Variants in LRRC37A2 observed in about 807,000 individuals in gnomAD.
LRRC37A2 encodes the protein leucine-rich repeat-containing protein 37A2.
Under a neutral mutation model 68.8 loss-of-function variants are expected in LRRC37A2, and 9 were observed. The observed-to-expected ratio is 0.13, with a 90% CI of 0.08 to 0.23. The LOEUF is 0.23. Ranked by LOEUF, LRRC37A2 falls within the 10% of genes least tolerant of loss-of-function variation. The pLI is 1.00. For missense variants in LRRC37A2, 168 were observed against 950.4 expected, an observed-to-expected ratio of 0.18 and a Z score of 10.82; for synonymous variants, 63 against 367.6, an observed-to-expected ratio of 0.17 and a Z score of 9.48.
the LRRC37A2 span, chr17:46,755,193 C>G: frequency 1.4e-6 from 1 of 711,544 alleles, no homozygotes; most frequent in East Asian, 2.7e-5. Flanking sequence ...GCAGGTAACA[C>G]ATTCAGTGAC....
At chr17:46,837,379 T>C in the LRRC37A2 span, among the ~76,000 whole-genome samples, 25,758 of 152,112 alleles carry the variant, frequency 0.17, 2,527 homozygotes, top group East Asian at 0.39. Context: ...TTAGGCAGAA[T>C]TTGGAGTATA....
chr17:46,923,256 C>T, the LRRC37A2 span: 1 of 1,550,512 alleles, frequency 6.4e-7, no homozygotes, highest in Non-Finnish European at 8.7e-7. Context: ...AGGGGCTAGA[C>T]GAGGCGAGGC....
chr17:46,785,725 G>A, the LRRC37A2 span, among the ~76,000 whole-genome samples: 4 of 152,194 alleles, frequency 2.6e-5, no homozygotes, highest in Non-Finnish European at 2.9e-5. Context: ...GAAAGGGTGC[G>A]GGCAGGAGCT....
the LRRC37A2 span, chr17:46,872,720 G>A: frequency 8.8e-4 from 1,420 of 1,613,098 alleles, 15 homozygotes; most frequent in African/African-American, 0.016. Context: ...TTTCAGTTCC[G>A]GCATGAGCGC....
chr17:46,938,840 A>G, the LRRC37A2 span: 78 of 1,605,190 alleles, frequency 4.9e-5, 1 homozygote, highest in East Asian at 6.5e-4. Flanking sequence ...GGGGGCCCAG[A>G]GGCCGCCTTT....
the LRRC37A2 span, among the ~76,000 whole-genome samples, chr17:46,703,626 G>A: frequency 1.9e-4 from 27 of 139,058 alleles, no homozygotes; most frequent in African/African-American, 6.4e-4. Context: ...AGCTTGCAGC[G>A]TCCGAGATCG....
chr17:46,980,345 T>TTCTTTCTC, the LRRC37A2 span, among the ~76,000 whole-genome samples: 1 of 23,366 alleles, frequency 4.3e-5, no homozygotes, highest in East Asian at 1.3e-3. Context: ...CCTTCTCTCC[T>TTCTTTCTC]TCCTTCCTTC....
the LRRC37A2 span, among the ~76,000 whole-genome samples, chr17:46,728,516 C>T: frequency 6.6e-6 from 1 of 151,936 alleles, no homozygotes; most frequent in African/African-American, 2.4e-5. Flanking sequence ...ATAATCCCAG[C>T]TACCTGGGAG....
At chr17:46,678,425 G>A in the LRRC37A2 span, among the ~76,000 whole-genome samples, 9 of 140,066 alleles carry the variant, frequency 6.4e-5, no homozygotes, top group African/African-American at 1.1e-4. Context: ...GAGAATTAGT[G>A]TACTGAAAGA....
At chr17:46,838,804 T>C in the LRRC37A2 span, among the ~76,000 whole-genome samples, 2 of 152,132 alleles carry the variant, frequency 1.3e-5, no homozygotes, top group Non-Finnish European at 2.9e-5. Context: ...TAATTTGGCA[T>C]AGAGGCCTGT....
chr17:46,825,006 G>T, the LRRC37A2 span, among the ~76,000 whole-genome samples: 1 of 152,212 alleles, frequency 6.6e-6, no homozygotes, highest in East Asian at 1.9e-4. Flanking sequence ...TGCCTCTCCA[G>T]CCATGTGCCA....
chr17:46,913,759 TTTTTTA>T, the LRRC37A2 span, among the ~76,000 whole-genome samples: 1 of 152,194 alleles, frequency 6.6e-6, no homozygotes, highest in East Asian at 1.9e-4. Flanking sequence ...CATTTTTTAC[TTTTTTA>T]TTTTTATTTA....
chr17:46,755,856 G>C, the LRRC37A2 span: 1 of 1,607,660 alleles, frequency 6.2e-7, no homozygotes. Context: ...AGTGACCAAG[G>C]GAAGTGACCA....
At chr17:46,993,944 T>C in the LRRC37A2 span, among the ~76,000 whole-genome samples, 1 of 146,664 alleles carries the variant, frequency 6.8e-6, no homozygotes, top group Admixed American at 6.7e-5. Context: ...CACTGCCTTC[T>C]TAGCTATGTT....
chr17:46,819,635 C>A, the LRRC37A2 span, among the ~76,000 whole-genome samples: 12 of 152,320 alleles, frequency 7.9e-5, no homozygotes, highest in East Asian at 2.3e-3. This position sits in a 1 kb window ranked among gnomAD's most constrained non-coding sequence, Gnocchi z 5.3. Context: ...CCCCTCACTG[C>A]CCGACCGTCC....
the LRRC37A2 span, among the ~76,000 whole-genome samples, chr17:46,854,037 C>T: frequency 5.9e-5 from 9 of 152,104 alleles, no homozygotes; most frequent in African/African-American, 2.2e-4. Context: ...CCACCTCTTC[C>T]AGGTCAGGAG....
the LRRC37A2 span, among the ~76,000 whole-genome samples, chr17:46,908,892 G>A: frequency 6.6e-6 from 1 of 152,328 alleles, no homozygotes; most frequent in East Asian, 1.9e-4. Context: ...GAGCTATTCA[G>A]TCTGGAAAAC....
chr17:46,931,871 T>C, the LRRC37A2 span: 5 of 622,402 alleles, frequency 8.0e-6, no homozygotes, highest in Admixed American at 1.3e-4. Context: ...TGTGCTACCA[T>C]CTCACTTTAA....
the LRRC37A2 span, among the ~76,000 whole-genome samples, chr17:46,778,594 C>T: frequency 1.3e-5 from 2 of 152,100 alleles, no homozygotes; most frequent in Non-Finnish European, 2.9e-5. Context: ...TACTTTAACT[C>T]GCCACTCCTA....
Sources: allele counts gnomAD v4.1 joint callset (sites outside exome capture counted in the v4.1 genomes callset), GRCh38; gene constraint gnomAD v4.1.1; non-coding constraint Gnocchi (gnomAD v3.1); transcripts MANE v1.5; gene names NCBI Gene and HGNC (gene_info 2026-07-23, HGNC 2026-07-21).